The following PNPLA8 variants were observed in gnomAD, a reference collection of about 807,000 sequenced individuals.
PNPLA8 encodes the protein calcium-independent phospholipase A2-gamma.
Under a neutral mutation model 76.9 loss-of-function variants are expected in PNPLA8, and 39 were observed. That is an observed-to-expected ratio of 0.51 (90% CI 0.39 to 0.66). PNPLA8 has a LOEUF of 0.66. Ranked by LOEUF, PNPLA8 falls within the 30% of genes least tolerant of loss-of-function variation. The pLI is 0.00. For synonymous variants in PNPLA8, 301 were observed against 307.9 expected, an observed-to-expected ratio of 0.98 and a Z score of 0.24; for missense variants, 887 against 918.0, an observed-to-expected ratio of 0.97 and a Z score of 0.44.
rs1864058399 is a variant in PNPLA8, at chr7:108,526,061, C to A, written c.-162G>T. 1 of 985,562 alleles carries A rather than the reference C, an allele frequency of 1.0e-6. No individual in the cohort carries two copies. The highest frequency in any genetic ancestry group is 6.1e-5 in the Admixed American group (1 of 16,266). 61.1% of individuals were successfully genotyped at this position (985,562 alleles called of 1,614,324 possible). A position where few individuals can be genotyped will look rare whatever the true frequency, so the allele number is the denominator to read the frequency against. On this transcript the variant is annotated 5_prime_UTR_variant, in exon 1 of 11. Transcript: ENST00000257694. The stretch of plus-strand genomic sequence containing the variant: ...CAGGCCGCAGTCACTAGGGCTGCAG[C>A]GGCGACTCGCTCGTTCCCGGCAATG...
intron 4 of PNPLA8, among the ~76,000 whole-genome samples, chr7:108,507,251 G>C (rs1470088786): frequency 1.4e-5 from 2 of 146,226 alleles, no homozygotes; most frequent in Non-Finnish European, 3.0e-5. Flanking sequence ...GCTGAGGCAG[G>C]AGAATCCCTT....
chr7:108,498,087 G>A (rs1377932300), intron 5 of PNPLA8, among the ~76,000 whole-genome samples: 6 of 73,128 alleles, frequency 8.2e-5, no homozygotes, highest in East Asian at 4.3e-4. Context: ...AACTAAATAA[G>A]AATACAAAGA....
intron 10 of PNPLA8, among the ~76,000 whole-genome samples, chr7:108,474,388 T>C (rs1284709619): frequency 5.9e-5 from 9 of 152,108 alleles, no homozygotes; most frequent in Non-Finnish European, 1.3e-4. Context: ...TCCTTTTCAG[T>C]GCCGTAAAGC....
chr7:108,491,298 ACT>A, intron 8 of PNPLA8, 110 bp downstream of exon 8: 2 of 692,646 alleles, frequency 2.9e-6, no homozygotes, highest in East Asian at 2.7e-5. Context: ...TAAGAGTGAA[ACT>A]CTGTCTCAAA....
At chr7:108,477,215 C>T (rs1345629198) in intron 10 of PNPLA8, among the ~76,000 whole-genome samples, 2 of 152,162 alleles carry the variant, frequency 1.3e-5, no homozygotes, top group East Asian at 3.8e-4. Context: ...AATCATTACA[C>T]AAGGTATACT....
intron 8 of PNPLA8, among the ~76,000 whole-genome samples, chr7:108,490,086 TATAG>T (rs1487007199): frequency 1.3e-5 from 2 of 152,262 alleles, no homozygotes; most frequent in Non-Finnish European, 2.9e-5. Flanking sequence ...TGTATCTTTC[TATAG>T]ATATTTTTTA....
In PNPLA8 at chr7:108,524,317, C is replaced by T. The variant is rs114880509; in HGVS notation, c.-130+1712G>A. ...CACTGAAGTATATTTGGGTTTCAAA[C>T]ACGAAACTCTGGTTTAGGGAGAGCG... On this transcript the variant is annotated intron_variant, in intron 1 of 10. Transcript: ENST00000257694. Among the ~76,000 whole-genome samples, 782 of 152,168 alleles carry T rather than the reference C, an allele frequency of 5.1e-3. 7 individuals are homozygous for T. Among genetic ancestry groups the T allele is most frequent in the African/African-American group, 0.016 (646 of 41,530 alleles).
chr7:108,520,522 G>A (rs1186710036), intron 2 of PNPLA8, among the ~76,000 whole-genome samples: 3 of 152,128 alleles, frequency 2.0e-5, no homozygotes, highest in Non-Finnish European at 4.4e-5. Context: ...ATGAGTTATA[G>A]TATTTGAATA....
chr7:108,515,177 T>C lies in PNPLA8; in HGVS notation c.315A>G (p.Lys105=). The change falls in exon 3 of 11, where the codon AAA becomes AAG. Residue 105 remains lysine (K), a synonymous_variant. Coordinates refer to ENST00000257694, the MANE Select transcript of PNPLA8 (RefSeq NM_001256007.3). The part of the protein sequence containing the change: ...TKVNICMSRI[K]STLNSVSKAV... Reference sequence around the variant, plus strand: ...CCTTTGAAACAGAGTTCAAAGTACTTTTAATACGGGACATACAAATGTTCA... The same window carrying C: ...CCTTTGAAACAGAGTTCAAAGTACTCTTAATACGGGACATACAAATGTTCA... The C allele has an allele frequency of 6.2e-7, 1 of 1,606,872 alleles. No homozygotes were observed. Among genetic ancestry groups the C allele is most frequent in the Middle Eastern group, 1.7e-4 (1 of 6,018 alleles).
At chr7:108,491,900 G>A (rs1275107325) in intron 7 of PNPLA8, among the ~76,000 whole-genome samples, 3 of 152,154 alleles carry the variant, frequency 2.0e-5, no homozygotes, top group African/African-American at 4.8e-5. Flanking sequence ...AGTATGCACG[G>A]GCTAGTTAGA....
At chr7:108,527,430 AAGCCTTACAGGCGT>A (rs1864134407), upstream of PNPLA8, among the ~76,000 whole-genome samples, 1 of 152,204 alleles carries the variant, frequency 6.6e-6, no homozygotes, top group Admixed American at 6.5e-5. Flanking sequence ...TGCACCAATT[AAGCCTTACAGGCGT>A]GTGGAAGGAG....
At chr7:108,498,193 G>A (rs1861695244) in intron 5 of PNPLA8, among the ~76,000 whole-genome samples, 1 of 149,526 alleles carries the variant, frequency 6.7e-6, no homozygotes, top group Non-Finnish European at 1.5e-5. Flanking sequence ...GTTTTGGAAT[G>A]CCATACCTTG....
At chr7:108,495,862 G>C (rs951028274) in intron 7 of PNPLA8, among the ~76,000 whole-genome samples, 2 of 152,082 alleles carry the variant, frequency 1.3e-5, no homozygotes, top group African/African-American at 4.8e-5. Context: ...AAAGGAGAAG[G>C]ATACGAATTT....
chr7:108,477,811 C>G (rs1860106486), intron 10 of PNPLA8, among the ~76,000 whole-genome samples: 1 of 152,050 alleles, frequency 6.6e-6, no homozygotes. Flanking sequence ...CTGCAGTGAG[C>G]TATCATTGTC....
intron 9 of PNPLA8, among the ~76,000 whole-genome samples, chr7:108,481,108 C>CCA (rs1380653379): frequency 2.6e-5 from 4 of 152,172 alleles, no homozygotes; most frequent in Non-Finnish European, 5.9e-5. Flanking sequence ...ATGCATTCAT[C>CCA]CACTGTAGGA....
chr7:108,488,765 T>C lies in PNPLA8; in HGVS notation c.1684-812A>G, dbSNP rs2154515213. ...TTGGGTAATGTTTATTAAAAAACTATAATGTCAACCATCTCAGGTCTCAAA... is the reference window on the plus strand; with the variant it reads ...TTGGGTAATGTTTATTAAAAAACTACAATGTCAACCATCTCAGGTCTCAAA... On this transcript the variant is annotated intron_variant, in intron 8 of 10. Coordinates refer to ENST00000257694, the MANE Select transcript of PNPLA8 (RefSeq NM_001256007.3). Among the ~76,000 whole-genome samples the C allele has an allele frequency of 2.6e-5, 4 of 152,348 alleles. 1 individual carries two copies. In the Middle Eastern group the frequency reaches 0.01, roughly 389 times the overall value.
Position 108,514,148 on chromosome 7 carries a change from A to G in PNPLA8, c.1202T>C (p.Val401Ala). Residue 401 changes from valine to alanine, a missense_variant, in exon 4 of 11, where the codon GTC (valine) becomes GCC (alanine). Physicochemically the swap from Val to Ala is moderately conservative, Grantham distance 64. Coordinates refer to ENST00000257694, the MANE Select transcript of PNPLA8 (RefSeq NM_001256007.3). ...LEFPEGKGVA[V>A]KERIIPYLLR... Reference sequence around the variant, plus strand: ...ATTAAATAAATTAGAAATTACCTTGACAGCCACTCCTTTTCCTTCAGGAAA... The same window carrying G: ...ATTAAATAAATTAGAAATTACCTTGGCAGCCACTCCTTTTCCTTCAGGAAA... 6.3e-7 allele frequency: 1 copy of G among 1,591,654 alleles called. No homozygotes were observed.
intron 10 of PNPLA8, among the ~76,000 whole-genome samples, chr7:108,474,877 T>A (rs1859875023): frequency 6.6e-6 from 1 of 152,250 alleles, no homozygotes; most frequent in South Asian, 2.1e-4. Flanking sequence ...CCAACTTTTT[T>A]TTCTTTTTCA....
chr7:108,472,637 T>C lies in PNPLA8; in HGVS notation c.2113A>G (p.Thr705Ala), dbSNP rs1474372632. ...ATTACAGGATTGAATCTAAAATAGG[T>C]GTCAGGAGGTAACAGGCCATCAAGC... ...IMLDGLLPPD[T>A]YFRFNPVMCE... The change falls in exon 11 of 11, where the codon ACC becomes GCC. Residue 705 changes from threonine (T) to alanine (A), a missense_variant. By Grantham distance (58) the Thr-to-Ala change is moderately conservative (BLOSUM62 0). Transcript: ENST00000257694. 3.1e-6 allele frequency: 5 copies of C among 1,596,354 alleles called. No individual in the cohort carries two copies. The highest frequency in any genetic ancestry group is 3.4e-6 in the Non-Finnish European group (4 of 1,175,486).
Sources: gnomAD v4.1 joint callset for allele counts (sites outside exome capture counted in the v4.1 genomes callset) on GRCh38, gnomAD v4.1.1 for gene constraint, MANE v1.5 for transcripts, NCBI Gene and HGNC (gene_info 2026-07-23, HGNC 2026-07-21) for gene names.